Variants in FOLR3 observed in about 807,000 individuals in gnomAD.
The protein encoded by FOLR3 is folate receptor gamma, also known as folate receptor 3 (gamma).
A neutral mutation model predicts 20.0 loss-of-function variants in FOLR3; 9 were observed. The observed-to-expected ratio is 0.45, with a 90% CI of 0.27 to 0.79. The LOEUF is 0.79. FOLR3 is among the 30% of genes least tolerant of loss of function. The pLI is 0.15. For missense variants in FOLR3, 309 were observed against 323.5 expected (o/e 0.96, Z 0.34); for synonymous variants, 124 against 115.5 (o/e 1.07, Z -0.47).
At chr11:72,137,170 A>C (rs1431999360) in intron 2 of FOLR3, among the ~76,000 whole-genome samples, 1 of 152,118 alleles carries the variant, frequency 6.6e-6, no homozygotes, top group African/African-American at 2.4e-5. Context: ...CAGCCCAGAA[A>C]TTTTATGCAA....
chr11:72,137,603 T>G (rs1232604754), intron 2 of FOLR3, among the ~76,000 whole-genome samples: 2 of 152,060 alleles, frequency 1.3e-5, no homozygotes, highest in African/African-American at 2.4e-5. Flanking sequence ...GTGATTCTCC[T>G]GCCTCTGCCT....
In FOLR3 at chr11:72,139,692, G is replaced by A; in HGVS notation, c.599G>A (p.Ser200Asn). 6.2e-7 allele frequency: 1 copy of A among 1,613,840 alleles called. No individual in the cohort carries two copies. The highest frequency in any genetic ancestry group is 1.3e-5 in the African/African-American group (1 of 75,046). Residue 200 changes from serine to asparagine, a missense_variant, in exon 5 of 5, where the codon AGC (serine) becomes AAC (asparagine). Coordinates refer to ENST00000611028, the MANE Select transcript of FOLR3 (RefSeq NM_000804.4). ...EGLWSHSFKV[S>N]NYSRGSGRCI... ...CTCTGGAGCCACTCCTTCAAGGTCA[G>A]CAACTATAGTCGAGGGAGCGGCCGC...
chr11:72,137,489 ATTT>A (rs11368822), intron 2 of FOLR3, among the ~76,000 whole-genome samples: 2 of 143,380 alleles, frequency 1.4e-5, no homozygotes, highest in Non-Finnish European at 3.1e-5. Flanking sequence ...CTCAGTTATA[ATTT>A]TTTTTTTTTT....
rs746750952 is a variant in FOLR3 at position 72,139,587 on chromosome 11, G to C, written c.494G>C (p.Gly165Ala). The change falls in exon 5 of 5, where the codon GGG (glycine) becomes GCG (alanine). Residue 165 changes from glycine (G) to alanine (A), a missense_variant and splice_region_variant. Physicochemically the swap from Gly to Ala is moderately conservative, Grantham distance 60. Coordinates refer to ENST00000611028, the MANE Select transcript of FOLR3 (RefSeq NM_000804.4). ...AGGGTCTTACGTTCTCCTCCCTCAG[G>C]GATTAATGAGTGTCCGGCCGGGGCC... ...NWHKGWNWTS[G>A]INECPAGALC... The C allele has an allele frequency of 6.2e-7, 1 of 1,613,776 alleles. No individual in the cohort carries two copies. The highest frequency in any genetic ancestry group is 8.5e-7 in the Non-Finnish European group (1 of 1,179,884).
At chr11:72,136,218 G>A in intron 2 of FOLR3, 98 bp downstream of exon 2, 5 of 1,457,704 alleles carry the variant, frequency 3.4e-6, no homozygotes, top group Non-Finnish European at 4.7e-6. Flanking sequence ...GGGTGCCGCT[G>A]CTGACAAGGA....
intron 2 of FOLR3, among the ~76,000 whole-genome samples, chr11:72,138,239 G>A (rs1023110621): frequency 6.6e-5 from 10 of 152,052 alleles, no homozygotes; most frequent in Admixed American, 6.5e-4. Flanking sequence ...GGTGGCACGT[G>A]CCTGTAATCC....
chr11:72,139,241 T>C, intron 3 of FOLR3, 92 bp downstream of exon 3: 1 of 1,556,626 alleles, frequency 6.4e-7, no homozygotes, highest in Non-Finnish European at 8.7e-7. Context: ...AATTCGGGTC[T>C]GAGGGTGGTG....
chr11:72,136,714 G>A lies in FOLR3; in HGVS notation c.168+594G>A, dbSNP rs566815859. On this transcript the variant is annotated intron_variant, in intron 2 of 4. Coordinates refer to ENST00000611028, the MANE Select transcript of FOLR3 (RefSeq NM_000804.4). ...CATTTGCTTTTCAGAACCTTCTAGAGCACATCCTCCTTGCCAGGAAATGGT... is the reference window on the plus strand; with the variant it reads ...CATTTGCTTTTCAGAACCTTCTAGAACACATCCTCCTTGCCAGGAAATGGT... 3.3e-5 allele frequency among the ~76,000 whole-genome samples: 5 copies of A among 152,292 alleles called. No individual in the cohort carries two copies. In the East Asian group the frequency reaches 7.7e-4, roughly 23 times the overall value.
chr11:72,137,958 G>A (rs1029592066), intron 2 of FOLR3, among the ~76,000 whole-genome samples: 14 of 152,128 alleles, frequency 9.2e-5, no homozygotes, highest in Admixed American at 2.6e-4. Context: ...GAGGGTAGAG[G>A]TGTTATTTGT....
intron 2 of FOLR3, among the ~76,000 whole-genome samples, chr11:72,138,222 T>C (rs1268967627): frequency 2.6e-5 from 4 of 151,886 alleles, no homozygotes; most frequent in African/African-American, 9.7e-5. Flanking sequence ...CAAAATTAGC[T>C]GGGCATGGTG....
intron 2 of FOLR3, among the ~76,000 whole-genome samples, chr11:72,138,457 C>T (rs7926987): frequency 6.6e-6 from 1 of 152,102 alleles, no homozygotes; most frequent in Non-Finnish European, 1.5e-5. Flanking sequence ...GTGGCTCTCC[C>T]TCATCTCCTA....
chr11:72,135,828 G>A (rs1947735144), intron 1 of FOLR3, 60 bp downstream of exon 1: 1 of 1,104,052 alleles, frequency 9.1e-7, no homozygotes, highest in East Asian at 2.4e-5. Context: ...CAGCTGCCCT[G>A]TAGGGGATGC....
Position 72,135,974 on chromosome 11 carries a change from A to G in FOLR3, c.22A>G (p.Met8Val). 6.2e-7 allele frequency: 1 copy of G among 1,613,818 alleles called. No individual in the cohort carries two copies. The highest frequency in any genetic ancestry group is 8.5e-7 in the Non-Finnish European group (1 of 1,179,788). Residue 8 changes from methionine to valine, a missense_variant, in exon 2 of 5, where the codon ATG becomes GTG. Coordinates refer to ENST00000611028, the MANE Select transcript of FOLR3 (RefSeq NM_000804.4). ...ATAGATGGACATGGCCTGGCAGATG[A>G]TGCAGCTGCTGCTTCTGGCTTTGGT... MDMAWQM[M>V]QLLLLALVTA...
At position 72,139,790 on chromosome 11, in the gene FOLR3, A is replaced by G. The variant is rs372529845; in HGVS notation, c.697A>G (p.Met233Val). 6.6e-5 allele frequency: 107 copies of G among 1,614,086 alleles called. No individual in the cohort carries two copies. In the African/African-American group the frequency reaches 1.3e-3, roughly 19 times the overall value. The change falls in exon 5 of 5, where the codon ATG becomes GTG. Residue 233 changes from methionine to valine, a missense_variant. By Grantham distance (21) the Met-to-Val change is conservative. Coordinates refer to ENST00000611028, the MANE Select transcript of FOLR3 (RefSeq NM_000804.4). ...GGTGGCCAAGTTCTATGCTGCGGCC[A>G]TGAATGCTGGGGCCCCGTCTCGTGG... The part of the protein sequence containing the change: ...EEVAKFYAAA[M>V]NAGAPSRGII...
chr11:72,139,888 ATGTGTCT>A (rs1312028863), exon 5 of FOLR3: 24 of 1,590,634 alleles, frequency 1.5e-5, no homozygotes, highest in East Asian at 2.7e-4. Flanking sequence ...ACAAATCCAC[ATGTGTCT>A]TGTGTCTTGT....
intron 2 of FOLR3, 54 bp from the exon 3 acceptor site, chr11:72,138,907 T>C (rs1565349112): frequency 6.3e-7 from 1 of 1,593,286 alleles, no homozygotes; most frequent in East Asian, 2.3e-5. Flanking sequence ...AGCCAGAATA[T>C]GGAGGAGATG....
rs999823524 is a variant in FOLR3 at position 72,136,514 on chromosome 11, C to T, written c.168+394C>T. ...ACATTCCATTTGCTTATTTTTAAAT[C>T]GGGGTTAAAAAAAAAAAACAAATAC... On this transcript the variant is annotated intron_variant, in intron 2 of 4. Coordinates refer to ENST00000611028, the MANE Select transcript of FOLR3 (RefSeq NM_000804.4). Among the ~76,000 whole-genome samples, 14 of 148,534 alleles carry T rather than the reference C, an allele frequency of 9.4e-5. 1 individual carries two copies. The highest frequency in any genetic ancestry group is 1.2e-4 in the Non-Finnish European group (8 of 67,406).
chr11:72,138,857 C>G, intron 2 of FOLR3, 104 bp from the exon 3 acceptor site: 1 of 1,441,374 alleles, frequency 6.9e-7, no homozygotes. Context: ...AGGGCCCTCC[C>G]CAGGAAGTGT....
At chr11:72,136,199 C>A in intron 2 of FOLR3, 79 bp downstream of exon 2, 1 of 1,541,914 alleles carries the variant, frequency 6.5e-7, no homozygotes, top group South Asian at 1.2e-5. Context: ...CCAGTGTGGT[C>A]AGAACCAAGG....
Sources: gnomAD v4.1 joint callset for allele counts (sites outside exome capture counted in the v4.1 genomes callset) on GRCh38, gnomAD v4.1.1 for gene constraint, MANE v1.5 for transcripts, NCBI Gene and HGNC (gene_info 2026-07-23, HGNC 2026-07-21) for gene names.